Variants in SOX4 observed in about 807,000 individuals in gnomAD.
SOX4 encodes the protein transcription factor SOX-4.
For synonymous variants in SOX4, 465 were observed against 348.4 expected (o/e 1.33, Z -3.73); for missense variants, 662 against 694.9 (o/e 0.95, Z 0.53).
chr6:21,596,072 AAG>A lies in SOX4; in HGVS notation c.*115_*116del, dbSNP rs777230863. 9.4e-4 allele frequency: 1,287 copies of A among 1,364,236 alleles called. 2 individuals are homozygous for A. The highest frequency in any genetic ancestry group is 1.1e-3 in the Middle Eastern group (4 of 3,664). The allele number at this position is 1,364,236 out of a possible 1,614,324, so 84.5% of individuals were successfully genotyped here. A position where few individuals can be genotyped will look rare whatever the true frequency, so the allele number is the denominator to read the frequency against. ...GTTTAAAGAGAAAAGGGAAAAAAGA[AAG>A]AAAAAGTAAGCAGGGCTGGCTTCGC... On this transcript the variant is annotated 3_prime_UTR_variant, in exon 1 of 1. Transcript: ENST00000244745.
In SOX4 at chr6:21,596,168, C is replaced by G; in HGVS notation, c.*209C>G. 1.3e-6 allele frequency: 1 copy of G among 752,416 alleles called. No homozygotes were observed. The allele number at this position is 752,416 out of a possible 1,614,324, so 46.6% of individuals were successfully genotyped here. A position where few individuals can be genotyped will look rare whatever the true frequency, so the allele number is the denominator to read the frequency against. On this transcript the variant is annotated 3_prime_UTR_variant, in exon 1 of 1. Transcript: ENST00000244745. ...ACCCGCGCTCCCATCCCCCACCTTC[C>G]CGGGCCGGGGACCCACTCTGCCCAG...
In SOX4 at chr6:21,595,349, C is replaced by A; in HGVS notation, c.815C>A (p.Ser272Tyr). 1 of 1,515,886 alleles carries A rather than the reference C, an allele frequency of 6.6e-7. No homozygotes were observed. The highest frequency in any genetic ancestry group is 8.8e-7 in the Non-Finnish European group (1 of 1,140,422). The allele number at this position is 1,515,886 out of a possible 1,614,324, so 93.9% of individuals were successfully genotyped here. ...ACTCCCAGCGCCTCGGCCTCCGCCT[C>A]CTCGGCAGCCTCGGCCTCCGCAGCG... ...ARTPSASASA[S>Y]SAASASAALA... Residue 272 changes from serine (S) to tyrosine (Y), a missense_variant, in exon 1 of 1, where the codon TCC becomes TAC. Physicochemically the swap from Ser to Tyr is moderately radical, Grantham distance 144. Coordinates refer to ENST00000244745, the MANE Select transcript of SOX4 (RefSeq NM_003107.3).
Position 21,597,957 on chromosome 6 carries a change from A to G in SOX4, c.*1998A>G, listed in dbSNP as rs868347616. The stretch of plus-strand genomic sequence containing the variant: ...ACACTGTAAGCTTTTAAGAAAAACA[A>G]AGTTTTAAACGAAATACTGCTCTGT... On this transcript the variant is annotated 3_prime_UTR_variant, in exon 1 of 1. Transcript: ENST00000244745. 7.8e-5 allele frequency: 13 copies of G among 167,232 alleles called. No homozygotes were observed. Among genetic ancestry groups the G allele is most frequent in the African/African-American group, 2.9e-4 (12 of 41,566 alleles). The allele number at this position is 167,232 out of a possible 1,614,324, so 10.4% of individuals were successfully genotyped here.
In SOX4 at chr6:21,594,300, G is replaced by A; in HGVS notation, c.-235G>A. On this transcript the variant is annotated 5_prime_UTR_variant, in exon 1 of 1. Transcript: ENST00000244745. ...GAGAGAGGGAGAGAGAGACTCTCCA[G>A]CCTGGGAACTATAACTCCTCTGCGA... The A allele has an allele frequency of 2.4e-6, 1 of 423,252 alleles. No individual in the cohort carries two copies. The highest frequency in any genetic ancestry group is 4.0e-6 in the Non-Finnish European group (1 of 250,144). 26.2% of individuals were successfully genotyped at this position (423,252 alleles called of 1,614,324 possible).
chr6:21,594,780 C>G lies in SOX4; in HGVS notation c.246C>G (p.Pro82=). The G allele has an allele frequency of 6.2e-7, 1 of 1,603,628 alleles. No homozygotes were observed. Among genetic ancestry groups the G allele is most frequent in the Non-Finnish European group, 8.5e-7 (1 of 1,175,414 alleles). Reference sequence around the variant, plus strand: ...GGCGCAAGATCATGGAGCAGTCGCCCGACATGCACAACGCCGAGATCTCCA... The same window carrying G: ...GGCGCAAGATCATGGAGCAGTCGCCGGACATGCACAACGCCGAGATCTCCA... ...IERRKIMEQS[P]DMHNAEISKR... is the part of the protein sequence containing the mutation. Residue 82 remains proline (P), a synonymous_variant, in exon 1 of 1, where the codon CCC becomes CCG. Transcript: ENST00000244745.
chr6:21,596,085 C>T lies in SOX4; in HGVS notation c.*126C>T, dbSNP rs1046668416. ...AGGGAAAAAAGAAAGAAAAAGTAAG[C>T]AGGGCTGGCTTCGCCCGCGTTCTCG... On this transcript the variant is annotated 3_prime_UTR_variant, in exon 1 of 1. Transcript: ENST00000244745. 9 of 1,364,138 alleles carry T rather than the reference C, an allele frequency of 6.6e-6. No individual in the cohort carries two copies. The Admixed American group carries it at 1.1e-4, about 16-fold the overall frequency. 84.5% of individuals were successfully genotyped at this position (1,364,138 alleles called of 1,614,324 possible). A position where few individuals can be genotyped will look rare whatever the true frequency, so the allele number is the denominator to read the frequency against.
At position 21,598,035 on chromosome 6, in the gene SOX4, A is replaced by G. The variant is rs1453354653; in HGVS notation, c.*2076A>G. On this transcript the variant is annotated 3_prime_UTR_variant, in exon 1 of 1. Coordinates refer to ENST00000244745, the MANE Select transcript of SOX4 (RefSeq NM_003107.3). The stretch of plus-strand genomic sequence containing the variant: ...CAGCAAAAAGGGATTCTGTAGCTTT[A>G]ACTTGTAAACCACATCTTTTTTGCA... 1.2e-5 allele frequency: 2 copies of G among 167,154 alleles called. No homozygotes were observed. Among genetic ancestry groups the G allele is most frequent in the Admixed American group, 6.5e-5 (1 of 15,294 alleles). The allele number at this position is 167,154 out of a possible 1,614,324, so 10.4% of individuals were successfully genotyped here.
Position 21,597,624 on chromosome 6 carries a change from G to A in SOX4, c.*1665G>A, listed in dbSNP as rs1763200981. Reference sequence around the variant, plus strand: ...AACTTTTAATTTTTTATATTTAAATGTAGACTTTTGACACTTTTAAAAAAC... The same window carrying A: ...AACTTTTAATTTTTTATATTTAAATATAGACTTTTGACACTTTTAAAAAAC... On this transcript the variant is annotated 3_prime_UTR_variant, in exon 1 of 1. Transcript: ENST00000244745. 6.8e-6 allele frequency: 1 copy of A among 147,944 alleles called. No homozygotes were observed. Among genetic ancestry groups the A allele is most frequent in the African/African-American group, 2.9e-5 (1 of 35,064 alleles). 9.2% of individuals were successfully genotyped at this position (147,944 alleles called of 1,614,324 possible).
In SOX4 at chr6:21,594,868, G is replaced by A. The variant is rs1464282327; in HGVS notation, c.334G>A (p.Ala112Thr). The A allele has an allele frequency of 6.2e-7, 1 of 1,612,724 alleles. No homozygotes were observed. The change falls in exon 1 of 1, where the codon GCG (alanine) becomes ACG (threonine). Residue 112 changes from alanine (A) to threonine (T), a missense_variant. Ala to Thr is a moderately conservative substitution (Grantham distance 58, BLOSUM62 0). Coordinates refer to ENST00000244745, the MANE Select transcript of SOX4 (RefSeq NM_003107.3). ...DSDKIPFIRE[A>T]ERLRLKHMAD... ...CGACAAGATCCCTTTCATTCGAGAG[G>A]CGGAGCGGCTGCGCCTCAAGCACAT... is the stretch of plus-strand genomic sequence containing the variant.
rs551616148 is a variant in SOX4, at chr6:21,597,642, T to TA, written c.*1689dup. ...TTTAAATGTAGACTTTTGACACTTT[T>TA]AAAAAACAAAAAAAGACAAGAGAGA... is the stretch of plus-strand genomic sequence containing the variant. On this transcript the variant is annotated 3_prime_UTR_variant, in exon 1 of 1. Coordinates refer to ENST00000244745, the MANE Select transcript of SOX4 (RefSeq NM_003107.3). 34 of 166,140 alleles carry TA rather than the reference T, an allele frequency of 2.0e-4. No individual in the cohort carries two copies. In the East Asian group the frequency reaches 5.6e-3, roughly 27 times the overall value. 10.3% of individuals were successfully genotyped at this position (166,140 alleles called of 1,614,324 possible). A position where few individuals can be genotyped will look rare whatever the true frequency, so the allele number is the denominator to read the frequency against.
rs1338377953 is a variant in SOX4, at chr6:21,596,863, A to C, written c.*904A>C. The C allele has an allele frequency of 6.0e-6, 1 of 166,778 alleles. No individual in the cohort carries two copies. Among genetic ancestry groups the C allele is most frequent in the Non-Finnish European group, 1.5e-5 (1 of 68,348 alleles). The allele number at this position is 166,778 out of a possible 1,614,324, so 10.3% of individuals were successfully genotyped here. ...GGGCCTCCGCCTTCTTTTCTACGTG[A>C]AATCAGTGAGGTGAGACTTCCCAGA... On this transcript the variant is annotated 3_prime_UTR_variant, in exon 1 of 1. Coordinates refer to ENST00000244745, the MANE Select transcript of SOX4 (RefSeq NM_003107.3).
In SOX4 at chr6:21,595,673, C is replaced by T. The variant is rs538933443; in HGVS notation, c.1139C>T (p.Ser380Phe). Reference protein sequence around the residue: ...APSSAPSHASSSASSHSSSSS... With the variant: ...APSSAPSHASFSASSHSSSSS... ...TCCAGCGCGCCCTCGCACGCGTCCT[C>T]CTCGGCCTCGTCCCACTCCTCCTCT... Residue 380 changes from serine (S) to phenylalanine (F), a missense_variant, in exon 1 of 1, where the codon TCC (serine) becomes TTC (phenylalanine). Coordinates refer to ENST00000244745, the MANE Select transcript of SOX4 (RefSeq NM_003107.3). 1.7e-4 allele frequency: 267 copies of T among 1,561,744 alleles called. 3 individuals are homozygous for T. Among genetic ancestry groups the T allele is most frequent in the South Asian group, 1.2e-3 (104 of 84,724 alleles).
chr6:21,593,774 CTG>C lies in SOX4; in HGVS notation c.-754_-753del, dbSNP rs1322017700. On this transcript the variant is annotated 5_prime_UTR_variant, in exon 1 of 1. Transcript: ENST00000244745. ...CTGCTCTAAGCTGCAGCAAGAGAAA[CTG>C]TGTGTGAGGGGAAGAGGCCTGTTTC... The C allele has an allele frequency of 3.3e-5, 5 of 152,180 alleles. No individual in the cohort carries two copies. The highest frequency in any genetic ancestry group is 6.5e-5 in the Admixed American group (1 of 15,270). The allele number at this position is 152,180 out of a possible 1,614,324, so 9.4% of individuals were successfully genotyped here.
Position 21,595,802 on chromosome 6 carries a change from G to T in SOX4, c.1268G>T (p.Ser423Ile). 2.5e-6 allele frequency: 4 copies of T among 1,613,588 alleles called. No homozygotes were observed. Among genetic ancestry groups the T allele is most frequent in the Non-Finnish European group, 3.4e-6 (4 of 1,179,992 alleles). ...NFESMSLGSF[S>I]SSSALDRDLD... ...GAGAGCATGTCCCTGGGCAGCTTCA[G>T]TTCGTCGTCGGCGCTCGACCGGGAC... The change falls in exon 1 of 1, where the codon AGT becomes ATT. Residue 423 changes from serine to isoleucine, a missense_variant. Physicochemically the swap from Ser to Ile is moderately radical, Grantham distance 142 (BLOSUM62 -2). Transcript: ENST00000244745.
rs762118193 is a variant in SOX4, at chr6:21,594,506, C to T, written c.-29C>T. The T allele has an allele frequency of 6.2e-6, 9 of 1,450,588 alleles. No homozygotes were observed. In the African/African-American group the frequency reaches 8.9e-5, roughly 14 times the overall value. The allele number at this position is 1,450,588 out of a possible 1,614,324, so 89.9% of individuals were successfully genotyped here. On this transcript the variant is annotated 5_prime_UTR_variant, in exon 1 of 1. Transcript: ENST00000244745. ...GCGGCGGCCGCCGCGAGGGTGTGAG[C>T]GCGCGTGGGCGCCCGCCGAGCCGAG...
chr6:21,595,089 T>C lies in SOX4; in HGVS notation c.555T>C (p.Ser185=). The change falls in exon 1 of 1, where the codon AGT becomes AGC. Residue 185 remains serine (S), a synonymous_variant. Coordinates refer to ENST00000244745, the MANE Select transcript of SOX4 (RefSeq NM_003107.3). ...CGGGGGGAGGAGGCGGCGGTGCGAG[T>C]GGCGGCGGCGCCAACTCCAAACCGG... ...SNAGGGGGGA[S]GGGANSKPAQ... The C allele has an allele frequency of 7.1e-7, 1 of 1,401,384 alleles. No individual in the cohort carries two copies. Among genetic ancestry groups the C allele is most frequent in the Non-Finnish European group, 9.2e-7 (1 of 1,087,180 alleles). 86.8% of individuals were successfully genotyped at this position (1,401,384 alleles called of 1,614,324 possible). A position where few individuals can be genotyped will look rare whatever the true frequency, so the allele number is the denominator to read the frequency against.
chr6:21,595,971 G>A lies in SOX4; in HGVS notation c.*12G>A. 1 of 1,504,866 alleles carries A rather than the reference G, an allele frequency of 6.6e-7. No individual in the cohort carries two copies. Among genetic ancestry groups the A allele is most frequent in the Non-Finnish European group, 8.9e-7 (1 of 1,121,690 alleles). The allele number at this position is 1,504,866 out of a possible 1,614,324, so 93.2% of individuals were successfully genotyped here. A position where few individuals can be genotyped will look rare whatever the true frequency, so the allele number is the denominator to read the frequency against. Reference sequence around the variant, plus strand: ...TTTTCACCTACTGAAGGGCGCGCAGGCAGGGAGAAGGGCCGGGGGGGGTAG... The same window carrying A: ...TTTTCACCTACTGAAGGGCGCGCAGACAGGGAGAAGGGCCGGGGGGGGTAG... On this transcript the variant is annotated 3_prime_UTR_variant, in exon 1 of 1. Transcript: ENST00000244745.
chr6:21,595,953 C>A lies in SOX4; in HGVS notation c.1419C>A (p.Thr473=). Residue 473 remains threonine, a synonymous_variant, in exon 1 of 1, where the codon ACC becomes ACA. Transcript: ENST00000244745. Reference sequence around the variant, plus strand: ...CCAGCATCTCCAACCTGGTTTTCACCTACTGAAGGGCGCGCAGGCAGGGAG... The same window carrying A: ...CCAGCATCTCCAACCTGGTTTTCACATACTGAAGGGCGCGCAGGCAGGGAG... ...LESSISNLVF[T]Y The A allele has an allele frequency of 6.5e-7, 1 of 1,542,948 alleles. No homozygotes were observed. The highest frequency in any genetic ancestry group is 8.8e-7 in the Non-Finnish European group (1 of 1,142,468).
rs969287544 is a variant in SOX4 at position 21,594,209 on chromosome 6, C to T, written c.-326C>T. 1.9e-5 allele frequency: 5 copies of T among 261,770 alleles called. No homozygotes were observed. The highest frequency in any genetic ancestry group is 3.6e-5 in the Non-Finnish European group (5 of 139,480). The allele number at this position is 261,770 out of a possible 1,614,324, so 16.2% of individuals were successfully genotyped here. The stretch of plus-strand genomic sequence containing the variant: ...AGCAACCAGCATTCGAGAAACTCCT[C>T]TCTACTTTAGCACGGTCTCCAGACT... On this transcript the variant is annotated 5_prime_UTR_variant, in exon 1 of 1. Transcript: ENST00000244745.
Sources: allele counts gnomAD v4.1 joint callset, GRCh38; gene constraint gnomAD v4.1.1; transcripts MANE v1.5; gene names NCBI Gene and HGNC (gene_info 2026-07-23, HGNC 2026-07-21).